The following DPP10 variants were observed in gnomAD, a reference collection of about 807,000 sequenced individuals.
DPP10 encodes the protein dipeptidyl peptidase like 10, also known as inactive dipeptidyl peptidase 10.
DPP10 carries 33 observed loss-of-function variants against 120.9 expected under a neutral mutation model. That is an observed-to-expected ratio of 0.27 (90% confidence interval 0.21 to 0.37). The LOEUF (loss-of-function observed/expected upper bound fraction) is 0.37. DPP10 is among the 10% of genes least tolerant of loss of function. The pLI is 1.00. For missense variants in DPP10, 816 were observed against 942.8 expected (o/e 0.87, Z 1.76); for synonymous variants, 337 against 326.1 (o/e 1.03, Z -0.36).
chr2:114,993,562 TTA>T (rs1700875406), intron 1 of DPP10, among the ~76,000 whole-genome samples: 1 of 93,060 alleles, frequency 1.1e-5, no homozygotes, highest in Non-Finnish European at 2.1e-5. Context: ...TGGATTCTTA[TTA>T]TGTGTGTGTG....
At chr2:115,505,957 T>C (rs1233260371) in intron 4 of DPP10, among the ~76,000 whole-genome samples, 1 of 151,590 alleles carries the variant, frequency 6.6e-6, no homozygotes, top group Non-Finnish European at 1.5e-5. Flanking sequence ...CCCATAAATA[T>C]ATACAATTAT....
chr2:114,515,721 C>T (rs1684541581), intron 1 of DPP10, among the ~76,000 whole-genome samples: 1 of 152,114 alleles, frequency 6.6e-6, no homozygotes, highest in African/African-American at 2.4e-5. Flanking sequence ...TCTTCTTCCT[C>T]TCCCTTTTCC....
intron 1 of DPP10, among the ~76,000 whole-genome samples, chr2:115,070,665 GTA>G (rs1707291359): frequency 6.6e-6 from 1 of 152,024 alleles, no homozygotes; most frequent in South Asian, 2.1e-4. Flanking sequence ...GTACTATATA[GTA>G]TATGATTATA....
At chr2:115,035,675 A>T (rs1559019841) in intron 1 of DPP10, among the ~76,000 whole-genome samples, 1 of 152,176 alleles carries the variant, frequency 6.6e-6, no homozygotes, top group Non-Finnish European at 1.5e-5. Context: ...TATACCCCAA[A>T]TATAAATTGG....
chr2:115,814,011 A>AT (rs1270055411), intron 19 of DPP10, among the ~76,000 whole-genome samples: 1 of 152,134 alleles, frequency 6.6e-6, no homozygotes, highest in African/African-American at 2.4e-5. Context: ...TCAGAGTCTG[A>AT]TTTTTTACTT....
intron 1 of DPP10, among the ~76,000 whole-genome samples, chr2:115,015,112 G>C (rs1234064981): frequency 6.6e-6 from 1 of 152,064 alleles, no homozygotes; most frequent in Non-Finnish European, 1.5e-5. Flanking sequence ...ATAAAATACT[G>C]GCAAACCAAA....
intron 1 of DPP10, among the ~76,000 whole-genome samples, chr2:115,147,293 T>C (rs2051280124): frequency 6.6e-6 from 1 of 151,980 alleles, no homozygotes; most frequent in Non-Finnish European, 1.5e-5. Flanking sequence ...TTGCAGGCAC[T>C]CTATGAAAAC....
At chr2:115,133,491 C>G (rs1031444209) in intron 1 of DPP10, among the ~76,000 whole-genome samples, 1 of 151,892 alleles carries the variant, frequency 6.6e-6, no homozygotes, top group Non-Finnish European at 1.5e-5. Context: ...AGGACATGTT[C>G]TCAATAGAGA....
At chr2:114,529,105 G>A (rs534212778) in intron 1 of DPP10, among the ~76,000 whole-genome samples, 1 of 152,044 alleles carries the variant, frequency 6.6e-6, no homozygotes, top group Non-Finnish European at 1.5e-5. Context: ...CAGCTCTTCT[G>A]GTTGCTACTG....
chr2:115,460,318 CTT>C (rs965282563), intron 3 of DPP10, among the ~76,000 whole-genome samples: 13 of 152,080 alleles, frequency 8.5e-5, no homozygotes, highest in African/African-American at 3.1e-4. Flanking sequence ...GTTATTCTCT[CTT>C]GGCACGTAAG....
At chr2:115,506,097 T>C (rs1220100785) in intron 4 of DPP10, among the ~76,000 whole-genome samples, 1 of 152,094 alleles carries the variant, frequency 6.6e-6, no homozygotes, top group Non-Finnish European at 1.5e-5. Context: ...GTTGATGATA[T>C]AAAAATAATT....
chr2:115,637,633 T>G (rs907752925), intron 5 of DPP10, among the ~76,000 whole-genome samples: 2 of 152,204 alleles, frequency 1.3e-5, no homozygotes, highest in Non-Finnish European at 2.9e-5. Flanking sequence ...AAATAAAAGT[T>G]ATTTTATGAT....
chr2:114,463,037 G>C (rs551140548), intron 1 of DPP10, among the ~76,000 whole-genome samples: 3 of 152,042 alleles, frequency 2.0e-5, no homozygotes, highest in African/African-American at 7.2e-5. Context: ...CAATTTCCCC[G>C]AGGACTCTGG....
At chr2:114,954,070 T>A (rs1188268430) in intron 1 of DPP10, among the ~76,000 whole-genome samples, 1 of 138,664 alleles carries the variant, frequency 7.2e-6, no homozygotes, top group Non-Finnish European at 1.5e-5. Context: ...AAAGATGAGA[T>A]TAAGAAGTCC....
chr2:115,839,508 T>C (rs549935423), intron 24 of DPP10, among the ~76,000 whole-genome samples: 8 of 151,840 alleles, frequency 5.3e-5, no homozygotes, highest in Admixed American at 3.3e-4. Context: ...ACCCCGTCTC[T>C]ACTAGAAATA....
intron 5 of DPP10, among the ~76,000 whole-genome samples, chr2:115,590,375 T>A (rs1373490902): frequency 2.6e-5 from 4 of 152,038 alleles, no homozygotes; most frequent in African/African-American, 9.7e-5. Flanking sequence ...TGTCCAAGTG[T>A]TCTCATTGTT....
At chr2:115,586,399 A>T (rs77861158) in intron 5 of DPP10, among the ~76,000 whole-genome samples, 7,866 of 152,312 alleles carry the variant, frequency 0.052, 326 homozygotes, top group Middle Eastern at 0.082. Context: ...CTTAGAATGT[A>T]TGATAAAATA....
chr2:115,325,895 A>T (rs962102280), intron 2 of DPP10, among the ~76,000 whole-genome samples: 1 of 152,148 alleles, frequency 6.6e-6, no homozygotes, highest in African/African-American at 2.4e-5. Context: ...AAAGACACAT[A>T]GTCAGAAATA....
intron 2 of DPP10, among the ~76,000 whole-genome samples, chr2:115,333,599 G>A (rs1289908720): frequency 6.6e-6 from 1 of 152,118 alleles, no homozygotes; most frequent in Non-Finnish European, 1.5e-5. Context: ...TCCTTCAGGA[G>A]CTCTTTTAGG....
Sources: gnomAD v4.1 joint callset for allele counts (sites outside exome capture counted in the v4.1 genomes callset) on GRCh38, gnomAD v4.1.1 for gene constraint, MANE v1.5 for transcripts, NCBI Gene and HGNC (gene_info 2026-07-23, HGNC 2026-07-21) for gene names.